The following CERS6 variants were observed in gnomAD, a reference collection of about 807,000 sequenced individuals.
The protein encoded by CERS6 is LAG1 homolog, ceramide synthase 6.
CERS6 carries 26 observed loss-of-function variants against 56.8 expected under a neutral mutation model. That is an observed-to-expected ratio of 0.46 (90% CI 0.34 to 0.63). The LOEUF (loss-of-function observed/expected upper bound fraction) is 0.63, where lower values mean the gene tolerates loss of function less well. CERS6 is among the 30% of genes least tolerant of loss of function. CERS6 has a pLI of 0.01. For synonymous variants in CERS6, 164 were observed against 173.3 expected, an observed-to-expected ratio of 0.95 and a Z score of 0.42; for missense variants, 415 against 467.5, an observed-to-expected ratio of 0.89 and a Z score of 1.04.
rs938749287 is a variant in CERS6 at position 168,516,256 on chromosome 2, G to C, written c.171-31340G>C. Among the ~76,000 whole-genome samples the C allele has an allele frequency of 2.0e-5, 3 of 152,130 alleles. No homozygotes were observed. The South Asian group carries it at 6.2e-4, about 32-fold the overall frequency. On this transcript the variant is annotated intron_variant, in intron 1 of 9. Coordinates refer to ENST00000305747, the MANE Select transcript of CERS6 (RefSeq NM_203463.3). The stretch of plus-strand genomic sequence containing the variant: ...TCACCCACCATGGAATCAAGTCATA[G>C]AGTAGAACAGAACCCTATAGATCAC...
intron 8 of CERS6, among the ~76,000 whole-genome samples, chr2:168,757,073 A>G (rs1684435252): frequency 6.6e-6 from 1 of 152,208 alleles, no homozygotes; most frequent in South Asian, 2.1e-4. Flanking sequence ...ATGAAGCAAT[A>G]TATGTAACAT....
chr2:168,577,629 A>C (rs905636874), intron 3 of CERS6, among the ~76,000 whole-genome samples: 1 of 152,144 alleles, frequency 6.6e-6, no homozygotes, highest in Non-Finnish European at 1.5e-5. Flanking sequence ...TGGGGTGTGG[A>C]GCACAGTCAG....
intron 4 of CERS6, among the ~76,000 whole-genome samples, chr2:168,656,764 T>C (rs1260925045): frequency 6.6e-6 from 1 of 152,144 alleles, no homozygotes; most frequent in Non-Finnish European, 1.5e-5. Flanking sequence ...CACTGCTGGC[T>C]CGGGCAGCCT....
intron 1 of CERS6, among the ~76,000 whole-genome samples, chr2:168,544,476 C>T (rs895515382): frequency 1.3e-5 from 2 of 152,082 alleles, no homozygotes; most frequent in African/African-American, 4.8e-5. Context: ...AAGGCCTGGT[C>T]CTGCTCTCTT....
At chr2:168,708,752 C>G (rs1201368409) in intron 6 of CERS6, among the ~76,000 whole-genome samples, 1 of 152,086 alleles carries the variant, frequency 6.6e-6, no homozygotes, top group Non-Finnish European at 1.5e-5. Context: ...ACATCTAAAT[C>G]AGGCTTTAAT....
At chr2:168,745,458 G>A (rs1181675116) in intron 8 of CERS6, among the ~76,000 whole-genome samples, 2 of 152,086 alleles carry the variant, frequency 1.3e-5, no homozygotes, top group Non-Finnish European at 2.9e-5. Flanking sequence ...AGCCAGGATG[G>A]TCTTGATCTC....
chr2:168,590,132 T>A (rs1683638562), intron 3 of CERS6, among the ~76,000 whole-genome samples: 1 of 152,214 alleles, frequency 6.6e-6, no homozygotes, highest in Non-Finnish European at 1.5e-5. Context: ...CAGCTAGATG[T>A]TTGACCCACT....
intron 6 of CERS6, among the ~76,000 whole-genome samples, chr2:168,712,488 C>T (rs971448101): frequency 6.6e-6 from 1 of 152,128 alleles, no homozygotes; most frequent in African/African-American, 2.4e-5. Context: ...AAAATTAAGT[C>T]CTTACAACCC....
chr2:168,462,318 G>GT (rs907680891), intron 1 of CERS6, among the ~76,000 whole-genome samples: 22 of 151,086 alleles, frequency 1.5e-4, no homozygotes, highest in African/African-American at 3.9e-4. Context: ...TTTTCATTTC[G>GT]TTTTTTTTAA....
At chr2:168,769,085 A>G (rs1265219664) in intron 9 of CERS6, among the ~76,000 whole-genome samples, 2 of 152,082 alleles carry the variant, frequency 1.3e-5, no homozygotes, top group Admixed American at 1.3e-4. Context: ...GTTAGTGACT[A>G]TCTCCATTGC....
intron 8 of CERS6, among the ~76,000 whole-genome samples, chr2:168,734,802 T>C (rs4145112): frequency 0.99 from 150,426 of 152,304 alleles, 74,316 homozygotes; most frequent in Middle Eastern, 1. Flanking sequence ...GAGCACATTT[T>C]GGAAATAATT....
intron 8 of CERS6, among the ~76,000 whole-genome samples, chr2:168,722,922 T>C (rs1321414848): frequency 2.0e-5 from 3 of 152,186 alleles, no homozygotes; most frequent in Non-Finnish European, 4.4e-5. Flanking sequence ...CCTGTGTAGA[T>C]GGTTCCAGCC....
At chr2:168,752,279 A>ATGTGTTTGTG (rs1553516293) in intron 8 of CERS6, among the ~76,000 whole-genome samples, 9 of 132,514 alleles carry the variant, frequency 6.8e-5, no homozygotes, top group Non-Finnish European at 1.4e-4. Flanking sequence ...AAAAAAATAA[A>ATGTGTTTGTG]TGTGTGTGTG....
At chr2:168,733,394 C>G (rs1683609250) in intron 8 of CERS6, among the ~76,000 whole-genome samples, 1 of 152,156 alleles carries the variant, frequency 6.6e-6, no homozygotes, top group African/African-American at 2.4e-5. Context: ...CACCTGAGAA[C>G]AGATGGAGAT....
intron 1 of CERS6, among the ~76,000 whole-genome samples, chr2:168,506,204 T>C (rs1694674286): frequency 6.6e-6 from 1 of 152,238 alleles, no homozygotes; most frequent in Non-Finnish European, 1.5e-5. Context: ...AACGCTTGGC[T>C]GTGATTGTTT....
At chr2:168,754,247 A>G (rs1684358210) in intron 8 of CERS6, among the ~76,000 whole-genome samples, 1 of 152,192 alleles carries the variant, frequency 6.6e-6, no homozygotes, top group Admixed American at 6.5e-5. Flanking sequence ...ACTCCTTAGC[A>G]TAGGACCCAC....
At position 168,613,176 on chromosome 2, in the gene CERS6, A is replaced by G. The variant is rs116204002; in HGVS notation, c.408-17809A>G. On this transcript the variant is annotated intron_variant, in intron 3 of 9. Coordinates refer to ENST00000305747, the MANE Select transcript of CERS6 (RefSeq NM_203463.3). ...TGTCCTTGACAGAGATGGAAGGAAG[A>G]AACAGTGGATTCCTGGGAGAAAGAT... 2.7e-3 allele frequency among the ~76,000 whole-genome samples: 413 copies of G among 152,314 alleles called. 2 individuals carry two copies. The highest frequency in any genetic ancestry group is 9.4e-3 in the African/African-American group (392 of 41,572).
intron 3 of CERS6, among the ~76,000 whole-genome samples, chr2:168,567,179 T>C (rs1264299364): frequency 2.6e-5 from 4 of 152,192 alleles, no homozygotes; most frequent in African/African-American, 9.6e-5. Context: ...GTGGTTATTT[T>C]CCATTAATAC....
chr2:168,563,228 G>A (rs1489954337), intron 3 of CERS6, among the ~76,000 whole-genome samples: 1 of 152,184 alleles, frequency 6.6e-6, no homozygotes, highest in Non-Finnish European at 1.5e-5. Flanking sequence ...CACACTTTGT[G>A]TAGCAAGTAC....
Sources: gnomAD v4.1 joint callset for allele counts (sites outside exome capture counted in the v4.1 genomes callset) on GRCh38, gnomAD v4.1.1 for gene constraint, MANE v1.5 for transcripts, NCBI Gene and HGNC (gene_info 2026-07-23, HGNC 2026-07-21) for gene names.